LDLRAD3: variants seen among roughly 807,000 people sequenced by gnomAD.
LDLRAD3 encodes low density lipoprotein receptor class A domain containing 3, also known as low-density lipoprotein receptor class A domain-containing protein 3.
LDLRAD3 carries 20 observed loss-of-function variants against 29.4 expected under a neutral mutation model. That is an observed-to-expected ratio of 0.68 (90% confidence interval 0.48 to 0.99). The LOEUF (loss-of-function observed/expected upper bound fraction) is 0.99, where lower values mean the gene tolerates loss of function less well. Ranked by LOEUF, LDLRAD3 falls within the 50% of genes least tolerant of loss-of-function variation. The pLI is 0.00. For synonymous variants in LDLRAD3, 157 were observed against 192.7 expected (o/e 0.81, Z 1.53); for missense variants, 420 against 454.3 (o/e 0.92, Z 0.69).
chr11:35,984,725 G>C (rs1299837164), intron 1 of LDLRAD3, among the ~76,000 whole-genome samples: 1 of 152,010 alleles, frequency 6.6e-6, no homozygotes, highest in Non-Finnish European at 1.5e-5. Context: ...TCCGCCTTCC[G>C]GGGTCAAGCG....
At chr11:36,160,813 G>A (rs1012285669) in intron 4 of LDLRAD3, among the ~76,000 whole-genome samples, 1 of 152,020 alleles carries the variant, frequency 6.6e-6, no homozygotes, top group Non-Finnish European at 1.5e-5. Context: ...GCGTGGGGAG[G>A]GACAGAGTTT....
intron 2 of LDLRAD3, among the ~76,000 whole-genome samples, chr11:36,042,605 G>T (rs776755507): frequency 6.6e-6 from 1 of 152,164 alleles, no homozygotes; most frequent in Non-Finnish European, 1.5e-5. Flanking sequence ...CAATTTTCCT[G>T]TGTTGAAGTC....
chr11:36,121,645 C>T (rs1016409710), intron 4 of LDLRAD3, among the ~76,000 whole-genome samples: 2 of 152,220 alleles, frequency 1.3e-5, no homozygotes, highest in African/African-American at 2.4e-5. Context: ...GAGACATGCA[C>T]AGAAGTGTTC....
chr11:35,992,669 A>G (rs898726703), intron 1 of LDLRAD3, among the ~76,000 whole-genome samples: 10 of 152,188 alleles, frequency 6.6e-5, no homozygotes, highest in Non-Finnish European at 1.3e-4. Flanking sequence ...TAGAAAGTAG[A>G]TAGGTGGTTG....
intron 1 of LDLRAD3, among the ~76,000 whole-genome samples, chr11:36,025,168 G>T (rs1852147192): frequency 6.6e-6 from 1 of 152,062 alleles, no homozygotes; most frequent in Non-Finnish European, 1.5e-5. Flanking sequence ...TGTAGTTGGT[G>T]GGGTTTTTGA....
rs766277080 is a variant in LDLRAD3 at position 36,229,242 on chromosome 11, TCCCGGTC to T, written c.885_891del (p.Arg296GlyfsTer15). 1 of 1,613,358 alleles carries T rather than the reference TCCCGGTC, an allele frequency of 6.2e-7. No homozygotes were observed. The highest frequency in any genetic ancestry group is 8.5e-7 in the Non-Finnish European group (1 of 1,179,890). On this transcript the variant is annotated frameshift_variant, in exon 6 of 6. Coordinates refer to ENST00000315571, the MANE Select transcript of LDLRAD3 (RefSeq NM_174902.4). LOFTEE classifies it high-confidence loss of function. ...CCAAGCCGACCTGCCCCCCTACCGCTCCCGGTCCGGGAGTGCCAACAGTGCCAGCTCC... is the reference window on the plus strand; with the variant it reads ...CCAAGCCGACCTGCCCCCCTACCGCTCGGGAGTGCCAACAGTGCCAGCTCC...
chr11:36,080,660 A>G (rs1273234745), intron 2 of LDLRAD3, among the ~76,000 whole-genome samples: 2 of 152,188 alleles, frequency 1.3e-5, no homozygotes, highest in Non-Finnish European at 2.9e-5. Flanking sequence ...ATTTGCCAGG[A>G]GGATTCACAG....
chr11:35,968,160 G>A, intron 1 of LDLRAD3: 1 of 437,528 alleles, frequency 2.3e-6, no homozygotes. Flanking sequence ...CTCTGGACCA[G>A]CTTCCTCAAG....
chr11:36,144,767 C>T (rs1854148699), intron 4 of LDLRAD3, among the ~76,000 whole-genome samples: 2 of 116,354 alleles, frequency 1.7e-5, no homozygotes, highest in South Asian at 2.7e-4. Context: ...TGGGGGTCAG[C>T]CCCCCGCCCG....
intron 4 of LDLRAD3, among the ~76,000 whole-genome samples, chr11:36,142,558 T>C (rs562327844): frequency 7.2e-5 from 11 of 152,308 alleles, no homozygotes; most frequent in Non-Finnish European, 1.3e-4. Context: ...TGATCCACAG[T>C]GCATGCTGAA....
intron 4 of LDLRAD3, among the ~76,000 whole-genome samples, chr11:36,174,355 T>C (rs1038524989): frequency 2.6e-5 from 4 of 152,098 alleles, no homozygotes; most frequent in African/African-American, 9.7e-5. Context: ...AAAGCCAAAA[T>C]TGACAAGTGG....
At chr11:36,197,104 C>T (rs1270795533) in intron 4 of LDLRAD3, 1 of 152,166 alleles carries the variant, frequency 6.6e-6, no homozygotes, top group African/African-American at 2.4e-5. Context: ...AAATTAAAAA[C>T]ATTAGGACTT....
chr11:35,960,749 C>T (rs1590685680), intron 1 of LDLRAD3, among the ~76,000 whole-genome samples: 1 of 152,112 alleles, frequency 6.6e-6, no homozygotes, highest in African/African-American at 2.4e-5. Context: ...GGCTTGTGTT[C>T]CCACATCTGG....
intron 2 of LDLRAD3, among the ~76,000 whole-genome samples, chr11:36,057,152 A>G (rs1375539075): frequency 2.6e-5 from 4 of 152,160 alleles, no homozygotes; most frequent in Non-Finnish European, 5.9e-5. Context: ...CAGGAGGCCT[A>G]GGATAGACTC....
At chr11:36,104,383 G>A (rs77442047) in intron 4 of LDLRAD3, among the ~76,000 whole-genome samples, 6,972 of 152,262 alleles carry the variant, frequency 0.046, 180 homozygotes, top group Middle Eastern at 0.085. Flanking sequence ...CATAGAAACT[G>A]TGAGATCATA....
intron 1 of LDLRAD3, among the ~76,000 whole-genome samples, chr11:35,986,849 T>C (rs1851621153): frequency 6.6e-6 from 1 of 152,186 alleles, no homozygotes; most frequent in African/African-American, 2.4e-5. Flanking sequence ...CTTTTGGTAA[T>C]TAGTTCATTG....
At chr11:35,951,336 T>C (rs1194372360) in intron 1 of LDLRAD3, among the ~76,000 whole-genome samples, 1 of 152,146 alleles carries the variant, frequency 6.6e-6, no homozygotes, top group Non-Finnish European at 1.5e-5. Context: ...CTTGTCTCTA[T>C]TTGTAGTTTT....
chr11:36,123,743 G>C (rs1214714700), intron 4 of LDLRAD3, among the ~76,000 whole-genome samples: 1 of 152,196 alleles, frequency 6.6e-6, no homozygotes. Flanking sequence ...TTTTCCAGGA[G>C]TCCAGCCAGG....
intron 4 of LDLRAD3, among the ~76,000 whole-genome samples, chr11:36,109,549 C>G (rs1026218377): frequency 3.3e-5 from 5 of 152,100 alleles, no homozygotes; most frequent in African/African-American, 9.7e-5. Flanking sequence ...CTTTGCTGCT[C>G]CAGGCCCCCC....
Sources: gnomAD v4.1 joint callset for allele counts (sites outside exome capture counted in the v4.1 genomes callset) on GRCh38, gnomAD v4.1.1 for gene constraint, MANE v1.5 for transcripts, NCBI Gene and HGNC (gene_info 2026-07-23, HGNC 2026-07-21) for gene names.